The following DERA variants were observed in gnomAD, a reference collection of about 807,000 sequenced individuals.
DERA encodes the protein deoxyribose-phosphate aldolase.
A neutral mutation model predicts 41.1 loss-of-function variants in DERA; 15 were observed. The observed-to-expected ratio is 0.37, with a 90% CI of 0.24 to 0.56. The LOEUF (loss-of-function observed/expected upper bound fraction) is 0.56, where lower values mean the gene tolerates loss of function less well. DERA is among the 20% of genes least tolerant of loss of function. The pLI is 0.81. For missense variants in DERA, 396 were observed against 403.4 expected (o/e 0.98, Z 0.16); for synonymous variants, 139 against 137.4 (o/e 1.01, Z -0.08).
rs1167931386 is a variant in DERA at position 16,004,123 on chromosome 12, A to G, written c.637+21687A>G. ...TGAATTTACAAACTTTTGGAATGCA[A>G]TCTATTTCTAGGTTGGAGAATGGCA... On this transcript the variant is annotated intron_variant, in intron 6 of 8. Coordinates refer to ENST00000428559, the MANE Select transcript of DERA (RefSeq NM_015954.4). The surrounding 1 kb of genome is among the most constrained non-coding windows in gnomAD (Gnocchi z 4.2). 6.6e-6 allele frequency among the ~76,000 whole-genome samples: 1 copy of G among 152,230 alleles called. No homozygotes were observed. The highest frequency in any genetic ancestry group is 1.9e-4 in the East Asian group (1 of 5,202).
chr12:16,010,220 T>A lies in DERA; in HGVS notation c.638-22322T>A, dbSNP rs2136178702. 6.6e-6 allele frequency among the ~76,000 whole-genome samples: 1 copy of A among 152,244 alleles called. No individual in the cohort carries two copies. Among genetic ancestry groups the A allele is most frequent in the East Asian group, 1.9e-4 (1 of 5,180 alleles). ...GGCATCCAGGGAGATCCTAGATGAG[T>A]TCTAGTTCATATGCAGAGTGGATCC... On this transcript the variant is annotated intron_variant, in intron 6 of 8. Transcript: ENST00000428559. The surrounding 1 kb of genome is among the most constrained non-coding windows in gnomAD (Gnocchi z 5.5).
chr12:15,929,222 G>A (rs1279449959), intron 1 of DERA, among the ~76,000 whole-genome samples: 1 of 152,202 alleles, frequency 6.6e-6, no homozygotes, highest in African/African-American at 2.4e-5. Context: ...GGTGGAATGG[G>A]GTACTTTAAA....
rs553508749 is a variant in DERA, at chr12:15,917,795, A to C, written c.31+6381A>C. Among the ~76,000 whole-genome samples, 9 of 152,130 alleles carry C rather than the reference A, an allele frequency of 5.9e-5. No individual in the cohort carries two copies. The South Asian group carries it at 8.3e-4, about 14-fold the overall frequency. ...CAAGGTATTTCTGGCTTATCTTATA[A>C]TTTCCCTTTCCCAGCACCAAAGTCA... is the stretch of plus-strand genomic sequence containing the variant. On this transcript the variant is annotated intron_variant, in intron 1 of 8. Transcript: ENST00000428559.
In DERA at chr12:15,990,210, G is replaced by T. The variant is rs1455567823; in HGVS notation, c.637+7774G>T. Among the ~76,000 whole-genome samples the T allele has an allele frequency of 6.6e-6, 1 of 152,098 alleles. No homozygotes were observed. Among genetic ancestry groups the T allele is most frequent in the Non-Finnish European group, 1.5e-5 (1 of 68,020 alleles). The stretch of plus-strand genomic sequence containing the variant: ...TTCAAAACCATTTGGTGTAGCTGTA[G>T]GGGAGACAAATGACATTGAGCTGGA... On this transcript the variant is annotated intron_variant, in intron 6 of 8. Coordinates refer to ENST00000428559, the MANE Select transcript of DERA (RefSeq NM_015954.4). This position sits in a 1 kb window ranked among gnomAD's most constrained non-coding sequence, Gnocchi z 4.3.
rs893867437 is a variant in DERA, at chr12:15,911,917, G to GATTTT, written c.31+505_31+509dup. On this transcript the variant is annotated intron_variant, in intron 1 of 8. Transcript: ENST00000428559. The surrounding 1 kb of genome is among the most constrained non-coding windows in gnomAD (Gnocchi z 4.5). ...AAAATGTAACACTGCAGATTCATGGGATTTTAGAGTTACAAAGATTTGTTA... is the reference window on the plus strand; with the variant it reads ...AAAATGTAACACTGCAGATTCATGGGATTTTATTTTAGAGTTACAAAGATTTGTTA... Among the ~76,000 whole-genome samples, 52 of 152,064 alleles carry GATTTT rather than the reference G, an allele frequency of 3.4e-4. No homozygotes were observed. The highest frequency in any genetic ancestry group is 1.2e-3 in the African/African-American group (49 of 41,402).
chr12:16,030,055 T>G (rs1252766446), intron 6 of DERA, among the ~76,000 whole-genome samples: 2 of 150,818 alleles, frequency 1.3e-5, no homozygotes, highest in African/African-American at 4.9e-5. Context: ...CCCGAGTAGC[T>G]GGGACTACAG....
Position 15,965,100 on chromosome 12 carries a change from C to G in DERA, c.508+2153C>G, listed in dbSNP as rs982592542. On this transcript the variant is annotated intron_variant, in intron 5 of 8. Coordinates refer to ENST00000428559, the MANE Select transcript of DERA (RefSeq NM_015954.4). This position sits in a 1 kb window ranked among gnomAD's most constrained non-coding sequence, Gnocchi z 4.1. ...AATATTTTGTCTTAATTTTGATTCT[C>G]AATTTGATTACATATTGTATTTTTC... is the stretch of plus-strand genomic sequence containing the variant. Among the ~76,000 whole-genome samples the G allele has an allele frequency of 6.6e-6, 1 of 152,076 alleles. No individual in the cohort carries two copies. Among genetic ancestry groups the G allele is most frequent in the Admixed American group, 6.6e-5 (1 of 15,266 alleles).
intron 1 of DERA, among the ~76,000 whole-genome samples, chr12:15,955,225 G>A (rs758357177): frequency 9.3e-4 from 141 of 152,108 alleles, no homozygotes; most frequent in Admixed American, 2.0e-3. Flanking sequence ...TTTGAACCCG[G>A]GAGGTGGAGG....
intron 7 of DERA, chr12:16,032,911 G>A (rs1225682014): frequency 5.6e-6 from 2 of 356,322 alleles, no homozygotes; most frequent in Non-Finnish European, 1.0e-5. Context: ...TTTGTTAACC[G>A]AAGACAATTT....
At chr12:15,934,941 A>G (rs1336478108) in intron 1 of DERA, among the ~76,000 whole-genome samples, 4 of 152,208 alleles carry the variant, frequency 2.6e-5, no homozygotes, top group African/African-American at 9.7e-5. Flanking sequence ...GTTTAAACAT[A>G]TTAAAACAAT....
intron 1 of DERA, among the ~76,000 whole-genome samples, chr12:15,925,807 C>T (rs1003158796): frequency 7.0e-6 from 1 of 142,314 alleles, no homozygotes; most frequent in African/African-American, 2.5e-5. Context: ...GTGAGGCCCT[C>T]ATCAACTCCT....
Position 15,911,338 on chromosome 12 carries a change from C to T in DERA, c.-46C>T, listed in dbSNP as rs995171867. 21 of 1,439,322 alleles carry T rather than the reference C, an allele frequency of 1.5e-5. No homozygotes were observed. The highest frequency in any genetic ancestry group is 1.6e-5 in the Non-Finnish European group (18 of 1,104,332). The allele number at this position is 1,439,322 out of a possible 1,614,324, so 89.2% of individuals were successfully genotyped here. A position where few individuals can be genotyped will look rare whatever the true frequency, so the allele number is the denominator to read the frequency against. ...GAAGGAGGAAGGGCCGGGCGCGGCG[C>T]AGAGGCGGGCGCCTACCAGCCGGCA... On this transcript the variant is annotated 5_prime_UTR_variant, in exon 1 of 9. Transcript: ENST00000428559. This position sits in a 1 kb window ranked among gnomAD's most constrained non-coding sequence, Gnocchi z 4.5.
chr12:15,959,004 G>C lies in DERA; in HGVS notation c.277+669G>C, dbSNP rs1385224971. Among the ~76,000 whole-genome samples the C allele has an allele frequency of 6.6e-6, 1 of 152,164 alleles. No individual in the cohort carries two copies. The highest frequency in any genetic ancestry group is 1.5e-5 in the Non-Finnish European group (1 of 68,034). On this transcript the variant is annotated intron_variant, in intron 3 of 8. Transcript: ENST00000428559. This position sits in a 1 kb window ranked among gnomAD's most constrained non-coding sequence, Gnocchi z 4.5. Reference sequence around the variant, plus strand: ...GTTACTTGCTGGGCTGGTTTTGGGAGCCAGGTCTCCTTCCCATGGAGTATG... The same window carrying C: ...GTTACTTGCTGGGCTGGTTTTGGGACCCAGGTCTCCTTCCCATGGAGTATG...
In DERA at chr12:15,988,077, G is replaced by C. The variant is rs1042250062; in HGVS notation, c.637+5641G>C. ...AGCATCTGGACAAGGGGAACACATG[G>C]TGCCCAAAAACTTGGAGACACCAGG... On this transcript the variant is annotated intron_variant, in intron 6 of 8. Transcript: ENST00000428559. The surrounding 1 kb of genome is among the most constrained non-coding windows in gnomAD (Gnocchi z 6.0). Among the ~76,000 whole-genome samples the C allele has an allele frequency of 2.6e-5, 4 of 152,138 alleles. No individual in the cohort carries two copies. Among genetic ancestry groups the C allele is most frequent in the African/African-American group, 9.7e-5 (4 of 41,426 alleles).
chr12:15,991,288 C>G (rs1397049952), intron 6 of DERA, among the ~76,000 whole-genome samples: 1 of 152,164 alleles, frequency 6.6e-6, no homozygotes, highest in Non-Finnish European at 1.5e-5. Context: ...CCTTTGCCCA[C>G]TTTTTAATGG....
chr12:16,023,507 T>G (rs1251577557), intron 6 of DERA, among the ~76,000 whole-genome samples: 6 of 134,726 alleles, frequency 4.5e-5, no homozygotes, highest in Non-Finnish European at 7.7e-5. Flanking sequence ...AGACGGAGTC[T>G]CGCTCTGTCA....
intron 5 of DERA, among the ~76,000 whole-genome samples, chr12:15,963,571 G>A (rs1948603573): frequency 6.6e-6 from 1 of 151,992 alleles, no homozygotes; most frequent in African/African-American, 2.4e-5. Flanking sequence ...TTTTACCTCT[G>A]TCTTAAATAT....
intron 1 of DERA, among the ~76,000 whole-genome samples, chr12:15,912,218 T>G (rs1445583137): frequency 6.6e-6 from 1 of 151,932 alleles, no homozygotes; most frequent in Non-Finnish European, 1.5e-5. Flanking sequence ...TGGTGATGAC[T>G]CTTAACGAGC....
Position 16,013,779 on chromosome 12 carries a change from T to G in DERA, c.638-18763T>G, listed in dbSNP as rs1324648471. ...AGGAAGATGTGGGAAAATTTGGAAC[T>G]TCCTAGAGACTTGTTGAATGGTTTT... On this transcript the variant is annotated intron_variant, in intron 6 of 8. Transcript: ENST00000428559. This position sits in a 1 kb window ranked among gnomAD's most constrained non-coding sequence, Gnocchi z 5.8. Among the ~76,000 whole-genome samples the G allele has an allele frequency of 2.6e-5, 4 of 152,188 alleles. No individual in the cohort carries two copies. Among genetic ancestry groups the G allele is most frequent in the East Asian group, 1.9e-4 (1 of 5,188 alleles).
Sources: gnomAD v4.1 joint callset for allele counts (sites outside exome capture counted in the v4.1 genomes callset) on GRCh38, gnomAD v4.1.1 for gene constraint, Gnocchi (gnomAD v3.1) non-coding constraint, MANE v1.5 for transcripts, NCBI Gene and HGNC (gene_info 2026-07-23, HGNC 2026-07-21) for gene names.